The following RBFOX3 variants were observed in gnomAD, a reference collection of about 807,000 sequenced individuals.
RBFOX3 encodes the protein RNA binding protein fox-1 homolog 3.
In RBFOX3, 17 loss-of-function variants were observed where a neutral mutation model predicts 48.7. The observed-to-expected ratio is 0.35, with a 90% confidence interval of 0.24 to 0.52. The LOEUF is 0.52. Ranked by LOEUF, RBFOX3 falls within the 20% of genes least tolerant of loss-of-function variation. The pLI is 0.94. For missense variants in RBFOX3, 382 were observed against 497.5 expected, an observed-to-expected ratio of 0.77 and a Z score of 2.21; for synonymous variants, 212 against 209.5, an observed-to-expected ratio of 1.01 and a Z score of -0.10.
intron 1 of RBFOX3, among the ~76,000 whole-genome samples, chr17:79,583,804 T>G (rs1339573221): frequency 6.6e-6 from 1 of 152,124 alleles, no homozygotes; most frequent in Non-Finnish European, 1.5e-5. Context: ...CCAAAGCCTG[T>G]GAACCCAGGC....
At chr17:79,500,324 C>T (rs1007688345) in intron 1 of RBFOX3, among the ~76,000 whole-genome samples, 104 of 136,282 alleles carry the variant, frequency 7.6e-4, no homozygotes, top group African/African-American at 2.8e-3. Flanking sequence ...AGGGTGCAAT[C>T]TCGGCTCACT....
At chr17:79,349,696 G>A (rs534079933) in intron 2 of RBFOX3, among the ~76,000 whole-genome samples, 4 of 152,140 alleles carry the variant, frequency 2.6e-5, no homozygotes, top group African/African-American at 7.2e-5. Context: ...CTGTATCCCC[G>A]GGGCTCAGCC....
intron 1 of RBFOX3, among the ~76,000 whole-genome samples, chr17:79,602,623 A>G (rs1437056811): frequency 6.6e-6 from 1 of 152,058 alleles, no homozygotes; most frequent in Non-Finnish European, 1.5e-5. Flanking sequence ...CATGACATCA[A>G]TGATAGTCAA....
intron 6 of RBFOX3, among the ~76,000 whole-genome samples, chr17:79,105,478 C>T (rs2077194228): frequency 6.6e-6 from 1 of 152,058 alleles, no homozygotes; most frequent in Non-Finnish European, 1.5e-5. Flanking sequence ...AGAAACCTGG[C>T]AGCTTGCTCA....
chr17:79,463,620 TCGCCACCGCCACTGCCAC>T (rs2075853532), intron 2 of RBFOX3, among the ~76,000 whole-genome samples: 1 of 27,210 alleles, frequency 3.7e-5, no homozygotes, highest in Non-Finnish European at 7.6e-5. Context: ...TCCACCGCCA[TCGCCACCGCCACTGCCAC>T]CGCCACCTCC....
chr17:79,327,246 T>G (rs80302285), intron 2 of RBFOX3, among the ~76,000 whole-genome samples: 19,494 of 152,214 alleles, frequency 0.13, 1,264 homozygotes, highest in East Asian at 0.16. Context: ...TTTTAAGTCA[T>G]GCAAAGTGAT....
At chr17:79,184,904 G>A (rs929438626) in intron 4 of RBFOX3, among the ~76,000 whole-genome samples, 5 of 152,232 alleles carry the variant, frequency 3.3e-5, no homozygotes, top group East Asian at 1.9e-4. Context: ...CATCCAGCCC[G>A]AGAGATGGGT....
At chr17:79,315,397 G>A (rs117727705) in intron 2 of RBFOX3, among the ~76,000 whole-genome samples, 1,703 of 152,232 alleles carry the variant, frequency 0.011, 15 homozygotes, top group Non-Finnish European at 0.017. Flanking sequence ...ATGCAGAGGC[G>A]GCTTTTCCCT....
At chr17:79,570,228 T>C (rs1042666008) in intron 1 of RBFOX3, among the ~76,000 whole-genome samples, 1 of 150,682 alleles carries the variant, frequency 6.6e-6, no homozygotes, top group Non-Finnish European at 1.5e-5. Flanking sequence ...AGATGAATTA[T>C]AGATGGATGG....
At chr17:79,259,381 C>T (rs1051839287) in intron 3 of RBFOX3, among the ~76,000 whole-genome samples, 5 of 152,266 alleles carry the variant, frequency 3.3e-5, no homozygotes, top group East Asian at 1.9e-4. Context: ...CCCTGCCCTT[C>T]CGTGGTGAGG....
intron 4 of RBFOX3, among the ~76,000 whole-genome samples, chr17:79,185,840 CAG>C (rs1301986640): frequency 6.6e-6 from 1 of 152,188 alleles, no homozygotes; most frequent in East Asian, 1.9e-4. Flanking sequence ...CCACTATATG[CAG>C]ACAGTGTGCT....
In RBFOX3 at chr17:79,167,105, C is replaced by A. The variant is rs148928764; in HGVS notation, c.-33-51357G>T. ...GCGCTCACAAGGGCAACCTTCTCAG[C>A]TACTCTGGGCCGCAGTTCTTCTCTT... On this transcript the variant is annotated intron_variant, in intron 4 of 14. Transcript: ENST00000693108. 3.2e-3 allele frequency among the ~76,000 whole-genome samples: 485 copies of A among 152,320 alleles called. 1 individual carries two copies. Among genetic ancestry groups the A allele is most frequent in the African/African-American group, 0.01 (425 of 41,568 alleles).
chr17:79,380,777 C>A (rs188608666), intron 2 of RBFOX3, among the ~76,000 whole-genome samples: 1 of 152,052 alleles, frequency 6.6e-6, no homozygotes, highest in East Asian at 1.9e-4. Flanking sequence ...TGGTGCCCTG[C>A]CACCACACTT....
At chr17:79,602,152 C>G (rs923436645) in intron 1 of RBFOX3, 1 of 152,226 alleles carries the variant, frequency 6.6e-6, no homozygotes, top group African/African-American at 2.4e-5. Flanking sequence ...GACAACGTCA[C>G]AAGGCTTTAA....
chr17:79,528,353 AAC>A (rs2087113746), intron 1 of RBFOX3, among the ~76,000 whole-genome samples: 2 of 140,390 alleles, frequency 1.4e-5, no homozygotes, highest in African/African-American at 6.5e-5. Context: ...TCTTAGTTGA[AAC>A]TCTGAGGAGG....
At chr17:79,568,550 G>T (rs933372602) in intron 1 of RBFOX3, among the ~76,000 whole-genome samples, 1 of 152,238 alleles carries the variant, frequency 6.6e-6, no homozygotes, top group African/African-American at 2.4e-5. Context: ...ACTTCTGCTG[G>T]TTCCCCTGAC....
chr17:79,170,139 AG>A (rs1409803964), intron 4 of RBFOX3, among the ~76,000 whole-genome samples: 1,562 of 112,654 alleles, frequency 0.014, 41 homozygotes, highest in African/African-American at 0.061. Flanking sequence ...AGGAGGAAGG[AG>A]GGAAGGAAGG....
chr17:79,118,975 CAAAA>C (rs767042086), intron 4 of RBFOX3, among the ~76,000 whole-genome samples: 3 of 75,746 alleles, frequency 4.0e-5, no homozygotes, highest in Admixed American at 1.2e-4. Context: ...ACCCCTGTCT[CAAAA>C]AAAAAAAAAA....
intron 1 of RBFOX3, among the ~76,000 whole-genome samples, chr17:79,529,507 G>A (rs2087359892): frequency 1.3e-5 from 2 of 152,354 alleles, no homozygotes; most frequent in South Asian, 4.1e-4. Flanking sequence ...CTAAAGTGGG[G>A]GCGGGGTGGC....
Sources: gnomAD v4.1 joint callset for allele counts (sites outside exome capture counted in the v4.1 genomes callset) on GRCh38, gnomAD v4.1.1 for gene constraint, MANE v1.5 for transcripts, NCBI Gene and HGNC (gene_info 2026-07-23, HGNC 2026-07-21) for gene names.